MSH3: variants seen among roughly 807,000 people sequenced by gnomAD.
The protein encoded by MSH3 is DNA mismatch repair protein Msh3.
A neutral mutation model predicts 123.3 loss-of-function variants in MSH3; 106 were observed. The ratio of observed to expected loss-of-function variants is 0.86; its 90% confidence interval spans 0.73 to 1.01. MSH3 has a LOEUF of 1.01. Among genes scored for constraint, MSH3 ranks in the 50% least tolerant of loss-of-function variants. The pLI, the probability that MSH3 is intolerant of heterozygous loss-of-function variation, is 0.00. For synonymous variants in MSH3, 515 were observed against 481.4 expected (o/e 1.07, Z -0.91); for missense variants, 1,459 against 1,347.6 (o/e 1.08, Z -1.29).
chr5:80,767,089 C>T (rs1047941405), intron 13 of MSH3, among the ~76,000 whole-genome samples: 23 of 152,048 alleles, frequency 1.5e-4, no homozygotes, highest in African/African-American at 4.1e-4. Context: ...TTAGCTGTTT[C>T]GTAGTACTAC....
chr5:80,711,615 G>A (rs1044728776), intron 8 of MSH3, among the ~76,000 whole-genome samples: 2 of 152,062 alleles, frequency 1.3e-5, no homozygotes, highest in Admixed American at 1.3e-4. Context: ...TGGACAGCAG[G>A]AGACCCCTTT....
At chr5:80,749,181 G>C (rs1459821613) in intron 12 of MSH3, among the ~76,000 whole-genome samples, 1 of 152,190 alleles carries the variant, frequency 6.6e-6, no homozygotes, top group Non-Finnish European at 1.5e-5. Context: ...ACTGTAGGCT[G>C]TCTGCACGCT....
intron 20 of MSH3, among the ~76,000 whole-genome samples, chr5:80,846,419 G>C (rs1201074164): frequency 6.6e-6 from 1 of 151,862 alleles, no homozygotes; most frequent in Admixed American, 6.6e-5. Context: ...CATGCTGAGA[G>C]AACCGCTGCT....
chr5:80,810,827 C>A (rs1330970879), intron 19 of MSH3, among the ~76,000 whole-genome samples: 1 of 151,682 alleles, frequency 6.6e-6, no homozygotes, highest in Non-Finnish European at 1.5e-5. Flanking sequence ...AGATTTATTC[C>A]TAGGTATTTG....
chr5:80,761,092 C>T lies in MSH3; in HGVS notation c.1764-454C>T, dbSNP rs6151791. Reference sequence around the variant, plus strand: ...TTTTCCTTAGTTCAGTTAAAGACAGCGAGGTTGGGGGAGGGTGGTCCTCAT... The same window carrying T: ...TTTTCCTTAGTTCAGTTAAAGACAGTGAGGTTGGGGGAGGGTGGTCCTCAT... On this transcript the variant is annotated intron_variant, in intron 12 of 23. Coordinates refer to ENST00000265081, the MANE Select transcript of MSH3 (RefSeq NM_002439.5). Among the ~76,000 whole-genome samples the T allele has an allele frequency of 2.7e-3, 413 of 152,114 alleles. 1 individual carries two copies. The highest frequency in any genetic ancestry group is 9.5e-3 in the African/African-American group (396 of 41,490).
intron 20 of MSH3, among the ~76,000 whole-genome samples, chr5:80,849,381 A>AG (rs1479486588): frequency 6.6e-6 from 1 of 152,154 alleles, no homozygotes; most frequent in Non-Finnish European, 1.5e-5. Flanking sequence ...GTGCCCCAGT[A>AG]GGGACTCTGT....
At chr5:80,762,018 C>T (rs139269735) in intron 13 of MSH3, among the ~76,000 whole-genome samples, 37 of 151,802 alleles carry the variant, frequency 2.4e-4, no homozygotes, top group Non-Finnish European at 3.2e-4. Flanking sequence ...AAAAAAAAAC[C>T]TTATTTCTTT....
chr5:80,699,703 T>G (rs1315834849), intron 8 of MSH3, among the ~76,000 whole-genome samples: 1 of 152,226 alleles, frequency 6.6e-6, no homozygotes. Flanking sequence ...AAAGATCATA[T>G]TGATTTCTTA....
At chr5:80,774,148 G>A (rs997251431) in intron 15 of MSH3, among the ~76,000 whole-genome samples, 1 of 152,166 alleles carries the variant, frequency 6.6e-6, no homozygotes, top group South Asian at 2.1e-4. Context: ...TGAATGGTGT[G>A]ATAGAACTTC....
chr5:80,797,719 A>G (rs1744720912), intron 19 of MSH3, among the ~76,000 whole-genome samples: 1 of 152,196 alleles, frequency 6.6e-6, no homozygotes, highest in African/African-American at 2.4e-5. Flanking sequence ...ACAGAAAATG[A>G]TAGTATTTTA....
chr5:80,761,408 T>C (rs950852564), intron 12 of MSH3, 138 bp from the exon 13 acceptor site: 1 of 1,037,698 alleles, frequency 9.6e-7, no homozygotes, highest in East Asian at 2.5e-5. Context: ...CCTTCCCACA[T>C]GACTATCTCA....
chr5:80,750,078 AGTGTGT>A (rs57762095), intron 12 of MSH3, among the ~76,000 whole-genome samples: 73 of 134,258 alleles, frequency 5.4e-4, no homozygotes, highest in Admixed American at 1.9e-3. Context: ...AGTATTCCAG[AGTGTGT>A]GTGTGTGTGT....
At position 80,744,442 on chromosome 5, in the gene MSH3, T is replaced by G. The variant is rs558883646; in HGVS notation, c.1654-64T>G. 1.3e-4 allele frequency: 151 copies of G among 1,178,238 alleles called. No homozygotes were observed. The African/African-American group carries it at 1.9e-3, about 15-fold the overall frequency. 73.0% of individuals were successfully genotyped at this position (1,178,238 alleles called of 1,614,324 possible). On this transcript the variant is annotated intron_variant, in intron 11 of 23. Transcript: ENST00000265081. ...ATATGACATTTAGAATCGGGGTATATGAAATAACAATTTGGCACAAATAAT... is the reference window on the plus strand; with the variant it reads ...ATATGACATTTAGAATCGGGGTATAGGAAATAACAATTTGGCACAAATAAT...
At chr5:80,754,755 C>T (rs998198541) in intron 12 of MSH3, among the ~76,000 whole-genome samples, 22 of 152,130 alleles carry the variant, frequency 1.4e-4, no homozygotes, top group Admixed American at 3.9e-4. Flanking sequence ...GTACTAAGTA[C>T]ATTTTAGTGG....
chr5:80,706,136 A>T (rs1426217411), intron 8 of MSH3, among the ~76,000 whole-genome samples: 1 of 152,186 alleles, frequency 6.6e-6, no homozygotes, highest in Non-Finnish European at 1.5e-5. Context: ...AGTATGGTTT[A>T]AAAAAACTTT....
intron 8 of MSH3, among the ~76,000 whole-genome samples, chr5:80,699,656 C>G (rs1750565142): frequency 6.7e-6 from 1 of 149,366 alleles, no homozygotes; most frequent in African/African-American, 2.5e-5. Flanking sequence ...TATAGATTTA[C>G]ATTATACAGA....
rs190816196 is a variant in MSH3 at position 80,710,455 on chromosome 5, C to A, written c.1341-14998C>A. Among the ~76,000 whole-genome samples, 584 of 152,226 alleles carry A rather than the reference C, an allele frequency of 3.8e-3. 4 individuals carry two copies. Among genetic ancestry groups the A allele is most frequent in the African/African-American group, 0.013 (545 of 41,550 alleles). On this transcript the variant is annotated intron_variant, in intron 8 of 23. Coordinates refer to ENST00000265081, the MANE Select transcript of MSH3 (RefSeq NM_002439.5). ...TATGAAATTTCTTTCCCTTATAATG[C>A]ATATTACAGTCTGAATTTCTCTCTG...
chr5:80,723,766 A>T (rs1751136662), intron 8 of MSH3, among the ~76,000 whole-genome samples: 1 of 150,952 alleles, frequency 6.6e-6, no homozygotes, highest in Non-Finnish European at 1.5e-5. Flanking sequence ...TCTTTTATTA[A>T]TTTTTTTTTT....
At chr5:80,732,680 A>T (rs1743433195) in intron 10 of MSH3, among the ~76,000 whole-genome samples, 1 of 152,142 alleles carries the variant, frequency 6.6e-6, no homozygotes, top group Non-Finnish European at 1.5e-5. Flanking sequence ...GGAATATAAA[A>T]ACGATTGTAC....
Sources: gnomAD v4.1 joint callset for allele counts (sites outside exome capture counted in the v4.1 genomes callset) on GRCh38, gnomAD v4.1.1 for gene constraint, MANE v1.5 for transcripts, NCBI Gene and HGNC (gene_info 2026-07-23, HGNC 2026-07-21) for gene names.